Variants in CCDC33 observed in about 807,000 individuals in gnomAD.
CCDC33 encodes coiled-coil domain containing 33.
In CCDC33, 94 loss-of-function variants were observed where a neutral mutation model predicts 91.9. The observed-to-expected ratio is 1.02, with a 90% CI of 0.87 to 1.21. CCDC33 has a LOEUF of 1.21. CCDC33 is among the 50% of genes most tolerant of loss of function. CCDC33 has a pLI of 0.00. For missense variants in CCDC33, 940 were observed against 935.5 expected (o/e 1.00, Z -0.06); for synonymous variants, 396 against 374.5 (o/e 1.06, Z -0.66).
chr15:74,318,459 A>T, intron 11 of CCDC33: 12 of 403,260 alleles, frequency 3.0e-5, no homozygotes, highest in African/African-American at 4.4e-5. Context: ...CCCACCCTGG[A>T]ACAAAGGGGA....
chr15:74,244,842 C>T lies in CCDC33; in HGVS notation c.185+694C>T, dbSNP rs571334086. Among the ~76,000 whole-genome samples, 11 of 152,346 alleles carry T rather than the reference C, an allele frequency of 7.2e-5. No homozygotes were observed. In the South Asian group the frequency reaches 1.7e-3, roughly 23 times the overall value. ...TGCTCAATCTTTATTATAAAGCACCCTCCAAGGAGCATGTCACCCCTAGAC... is the reference window on the plus strand; with the variant it reads ...TGCTCAATCTTTATTATAAAGCACCTTCCAAGGAGCATGTCACCCCTAGAC... On this transcript the variant is annotated intron_variant, in intron 2 of 18. Coordinates refer to ENST00000398814, the MANE Select transcript of CCDC33 (RefSeq NM_025055.5). This position sits in a 1 kb window ranked among gnomAD's most constrained non-coding sequence, Gnocchi z 4.2.
Position 74,267,472 on chromosome 15 carries a change from A to T in CCDC33, c.429+685A>T, listed in dbSNP as rs1338189743. Among the ~76,000 whole-genome samples the T allele has an allele frequency of 1.7e-3, 251 of 151,954 alleles. 2 individuals are homozygous for T. Among genetic ancestry groups the T allele is most frequent in the African/African-American group, 5.5e-3 (225 of 41,244 alleles). On this transcript the variant is annotated intron_variant, in intron 4 of 18. Coordinates refer to ENST00000398814, the MANE Select transcript of CCDC33 (RefSeq NM_025055.5). ...ACTCCAAGGTTGGGCCTCCCAGGCC[A>T]GACCCCTGCCTGTCCTCCCTCCTAG...
intron 11 of CCDC33, among the ~76,000 whole-genome samples, chr15:74,321,645 C>A (rs2060209320): frequency 6.6e-6 from 1 of 152,128 alleles, no homozygotes; most frequent in Non-Finnish European, 1.5e-5. Flanking sequence ...GAGTGATCCG[C>A]CCCCCTCGGC....
At chr15:74,219,654 A>G (rs2074537288) in intron 2 of CCDC33, among the ~76,000 whole-genome samples, 1 of 152,146 alleles carries the variant, frequency 6.6e-6, no homozygotes, top group South Asian at 2.1e-4. Flanking sequence ...GTGACTAGGA[A>G]CGGCTTCTTG....
At position 74,244,013 on chromosome 15, in the gene CCDC33, T is replaced by C; in HGVS notation, c.50T>C (p.Ile17Thr). Residue 17 changes from isoleucine to threonine, a missense_variant, in exon 2 of 19, where the codon ATC (isoleucine) becomes ACC (threonine). Physicochemically the swap from Ile to Thr is moderately conservative, Grantham distance 89. Coordinates refer to ENST00000398814, the MANE Select transcript of CCDC33 (RefSeq NM_025055.5). The surrounding 1 kb of genome is among the most constrained non-coding windows in gnomAD (Gnocchi z 4.2). ...KNTEDPEEPL[I>T]ASQSTEPEIG... Reference sequence around the variant, plus strand: ...ACTGAAGACCCAGAGGAGCCCCTGATCGCCTCCCAGAGCACGGAACCTGAG... The same window carrying C: ...ACTGAAGACCCAGAGGAGCCCCTGACCGCCTCCCAGAGCACGGAACCTGAG... 6.2e-7 allele frequency: 1 copy of C among 1,612,538 alleles called. No individual in the cohort carries two copies. Among genetic ancestry groups the C allele is most frequent in the Non-Finnish European group, 8.5e-7 (1 of 1,179,700 alleles).
Position 74,333,902 on chromosome 15 carries a change from G to A in CCDC33, c.1960G>A (p.Asp654Asn). The change falls in exon 17 of 19, where the codon GAC becomes AAC. Residue 654 changes from aspartate to asparagine, a missense_variant. Coordinates refer to ENST00000398814, the MANE Select transcript of CCDC33 (RefSeq NM_025055.5). ...ALPDLLSGTS[D>N]KFNLLAKLEH... The stretch of plus-strand genomic sequence containing the variant: ...ACAGGATCTCCTCTCTGGTACTTCA[G>A]ACAAGTTCAACCTCCTGGCCAAGCT... 1.2e-6 allele frequency: 2 copies of A among 1,613,590 alleles called. No individual in the cohort carries two copies. Among genetic ancestry groups the A allele is most frequent in the Non-Finnish European group, 1.7e-6 (2 of 1,179,644 alleles).
At chr15:74,242,721 G>A (rs1181064233) in intron 1 of CCDC33, among the ~76,000 whole-genome samples, 2 of 151,932 alleles carry the variant, frequency 1.3e-5, no homozygotes, top group Non-Finnish European at 1.5e-5. Flanking sequence ...GGCCAGTGGA[G>A]GACCAGGGCC....
At chr15:74,207,203 G>A (rs2074278496) in intron 1 of CCDC33, among the ~76,000 whole-genome samples, 1 of 152,194 alleles carries the variant, frequency 6.6e-6, no homozygotes, top group African/African-American at 2.4e-5. Flanking sequence ...AGGGCAAAGT[G>A]CCAAGCTTAG....
At chr15:74,325,021 C>T (rs1343834985) in intron 11 of CCDC33, among the ~76,000 whole-genome samples, 1 of 151,592 alleles carries the variant, frequency 6.6e-6, no homozygotes, top group East Asian at 1.9e-4. Flanking sequence ...AGACCCTAGC[C>T]CCCTGCCAAC....
At chr15:74,256,382 G>A (rs1427447805) in intron 2 of CCDC33, among the ~76,000 whole-genome samples, 1 of 151,810 alleles carries the variant, frequency 6.6e-6, no homozygotes, top group Non-Finnish European at 1.5e-5. Flanking sequence ...TTTATGTCTG[G>A]CCCACGTTCC....
chr15:74,314,880 G>A (rs191273111), intron 11 of CCDC33, among the ~76,000 whole-genome samples: 3 of 152,304 alleles, frequency 2.0e-5, no homozygotes, highest in Admixed American at 6.5e-5. Flanking sequence ...AGGTGCCAAC[G>A]AGCCCCCTCC....
intron 11 of CCDC33, chr15:74,318,492 C>T (rs980936852): frequency 1.7e-6 from 1 of 603,084 alleles, no homozygotes; most frequent in African/African-American, 2.0e-5. Context: ...GGCCTGCCTG[C>T]TTCCAGCTCA....
rs777172560 is a variant in CCDC33 at position 74,335,932 on chromosome 15, T to C, written c.2147T>C (p.Leu716Pro). ...NSIIIEQPSA[L>P]THSMDLKQPS... is the part of the protein sequence containing the mutation. ...CCGCTTTGCACACCACAGAGTGCCC[T>C]CACCCACTCCATGGACCTCAAGCAG... The change falls in exon 19 of 19, where the codon CTC (leucine) becomes CCC (proline). Residue 716 changes from leucine (L) to proline (P), a missense_variant. Physicochemically the swap from Leu to Pro is moderately conservative, Grantham distance 98. Transcript: ENST00000398814. 3.1e-6 allele frequency: 5 copies of C among 1,613,464 alleles called. No individual in the cohort carries two copies. The South Asian group carries it at 5.5e-5, about 18-fold the overall frequency.
chr15:74,226,189 C>T lies in CCDC33; in HGVS notation c.675+7328C>T, dbSNP rs564689651. ...GTTGAGGAACAATCACTTTCCAAGC[C>T]GATTGTGGAGGAAGTGGTGGGCATG... is the stretch of plus-strand genomic sequence containing the variant. On this transcript the variant is annotated intron_variant, in intron 2 of 2. Coordinates refer to the CCDC33 transcript ENST00000635913. Among the ~76,000 whole-genome samples, 4 of 152,224 alleles carry T rather than the reference C, an allele frequency of 2.6e-5. No individual in the cohort carries two copies. The East Asian group carries it at 7.7e-4, about 29-fold the overall frequency.
In CCDC33 at chr15:74,266,719, T is replaced by C; in HGVS notation, c.361T>C (p.Leu121=). 6.2e-7 allele frequency: 1 copy of C among 1,613,882 alleles called. No homozygotes were observed. The highest frequency in any genetic ancestry group is 8.5e-7 in the Non-Finnish European group (1 of 1,179,916). The change falls in exon 4 of 19, where the codon TTG becomes CTG. Residue 121 remains leucine (L), a synonymous_variant. Transcript: ENST00000398814. ...GGTGGACAACAGAAAGAAACAGGAG[T>C]TGTTGTCCTACAAAATCCCCATCAA... ...KVVDNRKKQE[L]LSYKIPIKYL...
At chr15:74,298,869 C>T (rs1275815948) in intron 11 of CCDC33, among the ~76,000 whole-genome samples, 3 of 152,012 alleles carry the variant, frequency 2.0e-5, no homozygotes, top group South Asian at 2.1e-4. Flanking sequence ...GGCGCCACCA[C>T]GCCCGGCTAA....
At chr15:74,225,155 T>TGTGTGTGA (rs1491175056) in intron 2 of CCDC33, among the ~76,000 whole-genome samples, 12 of 143,190 alleles carry the variant, frequency 8.4e-5, no homozygotes, top group African/African-American at 2.0e-4. Flanking sequence ...TGTGTGTGTG[T>TGTGTGTGA]GACAGAGAAT....
chr15:74,256,449 G>C (rs914882502), intron 2 of CCDC33, among the ~76,000 whole-genome samples: 1 of 152,160 alleles, frequency 6.6e-6, no homozygotes, highest in African/African-American at 2.4e-5. Flanking sequence ...TGGCTGTTCA[G>C]AGTGACCGAA....
Position 74,268,414 on chromosome 15 carries a change from A to G in CCDC33, c.502A>G (p.Ser168Gly), listed in dbSNP as rs1161081939. The G allele has an allele frequency of 1.3e-6, 2 of 1,595,706 alleles. No homozygotes were observed. Among genetic ancestry groups the G allele is most frequent in the East Asian group, 4.8e-5 (2 of 41,860 alleles). The change falls in exon 5 of 19, where the codon AGC becomes GGC. Residue 168 changes from serine to glycine, a missense_variant. Ser to Gly is a moderately conservative substitution (Grantham distance 56). Coordinates refer to ENST00000398814, the MANE Select transcript of CCDC33 (RefSeq NM_025055.5). ...GTACGCAACAGTCGTTCGGAAGAGCAGCTTCATACCCCGCTACATCGGCTG... is the reference window on the plus strand; with the variant it reads ...GTACGCAACAGTCGTTCGGAAGAGCGGCTTCATACCCCGCTACATCGGCTG... The part of the protein sequence containing the change: ...QLYATVVRKS[S>G]FIPRYIGCNH...
Sources: allele counts gnomAD v4.1 joint callset (sites outside exome capture counted in the v4.1 genomes callset), GRCh38; gene constraint gnomAD v4.1.1; non-coding constraint Gnocchi (gnomAD v3.1); transcripts MANE v1.5; gene names NCBI Gene and HGNC (gene_info 2026-07-23, HGNC 2026-07-21).